The following P4HTM variants were observed in gnomAD, a reference collection of about 807,000 sequenced individuals.
The protein encoded by P4HTM is transmembrane prolyl 4-hydroxylase.
In P4HTM, 33 loss-of-function variants were observed where a neutral mutation model predicts 55.3. That is an observed-to-expected ratio of 0.60 (90% CI 0.45 to 0.80). The LOEUF is 0.80. Among genes scored for constraint, P4HTM ranks in the 30% least tolerant of loss-of-function variants. The pLI is 0.00. For missense variants in P4HTM, 542 were observed against 696.5 expected (o/e 0.78, Z 2.50); for synonymous variants, 272 against 286.4 (o/e 0.95, Z 0.51).
intron 4 of P4HTM, chr3:49,003,094 A>T (rs763076318): frequency 2.2e-4 from 63 of 287,536 alleles, no homozygotes; most frequent in Non-Finnish European, 3.9e-4. Context: ...TAGTGCTGCT[A>T]CCTGTGCTAA....
rs2092955790 is a variant in P4HTM at position 48,999,594 on chromosome 3, C to G, written c.437-1844C>G. On this transcript the variant is annotated intron_variant, in intron 2 of 8. Coordinates refer to ENST00000383729, the MANE Select transcript of P4HTM (RefSeq NM_177939.3). The surrounding 1 kb of genome is among the most constrained non-coding windows in gnomAD (Gnocchi z 4.8). ...GGTTTTATAGGGCTGTTCCTGCACC[C>G]AGGGAGCCAACAGAGGAGATCCTGC... 1 of 167,392 alleles carries G rather than the reference C, an allele frequency of 6.0e-6. No homozygotes were observed. The highest frequency in any genetic ancestry group is 6.5e-5 in the Admixed American group (1 of 15,296). 10.4% of individuals were successfully genotyped at this position (167,392 alleles called of 1,614,324 possible). A position where few individuals can be genotyped will look rare whatever the true frequency, so the allele number is the denominator to read the frequency against.
At position 48,990,493 on chromosome 3, in the gene P4HTM, G is replaced by A; in HGVS notation, c.237G>A (p.Leu79=). 1.2e-6 allele frequency: 2 copies of A among 1,611,306 alleles called. No individual in the cohort carries two copies. The highest frequency in any genetic ancestry group is 1.7e-5 in the Admixed American group (1 of 59,958). Residue 79 remains leucine, a synonymous_variant, in exon 1 of 9, where the codon CTG becomes CTA. Transcript: ENST00000383729. This position sits in a 1 kb window ranked among gnomAD's most constrained non-coding sequence, Gnocchi z 7.2. ...HLYLGNVLAL[L]LFVHYSNGDE... ...ACCTGGGTAACGTGCTGGCGCTGCTGCTCTTCGTGCACTACAGCAACGGCG... is the reference window on the plus strand; with the variant it reads ...ACCTGGGTAACGTGCTGGCGCTGCTACTCTTCGTGCACTACAGCAACGGCG...
At position 49,002,005 on chromosome 3, in the gene P4HTM, C is replaced by T. The variant is rs554505601; in HGVS notation, c.627+377C>T. ...CTCTGCATAACTCTCACACACTCTACAGCCAGGCTGGAGGGCCAAGCTTCT... is the reference window on the plus strand; with the variant it reads ...CTCTGCATAACTCTCACACACTCTATAGCCAGGCTGGAGGGCCAAGCTTCT... On this transcript the variant is annotated intron_variant, in intron 3 of 8. Coordinates refer to ENST00000383729, the MANE Select transcript of P4HTM (RefSeq NM_177939.3). The surrounding 1 kb of genome is among the most constrained non-coding windows in gnomAD (Gnocchi z 4.4). Among the ~76,000 whole-genome samples, 24 of 152,348 alleles carry T rather than the reference C, an allele frequency of 1.6e-4. No individual in the cohort carries two copies. Among genetic ancestry groups the T allele is most frequent in the Non-Finnish European group, 3.2e-4 (22 of 68,028 alleles).
chr3:48,990,682 G>C lies in P4HTM; in HGVS notation c.354+72G>C. ...GCCCGAGAGGACCGGCGCTCAGCCC[G>C]GGTCCCCACGCTGCCCCCGGCGCTG... On this transcript the variant is annotated intron_variant, in intron 1 of 8. Coordinates refer to ENST00000383729, the MANE Select transcript of P4HTM (RefSeq NM_177939.3). This position sits in a 1 kb window ranked among gnomAD's most constrained non-coding sequence, Gnocchi z 7.2. 2 of 1,469,090 alleles carry C rather than the reference G, an allele frequency of 1.4e-6. No homozygotes were observed. The highest frequency in any genetic ancestry group is 1.8e-6 in the Non-Finnish European group (2 of 1,106,074). The allele number at this position is 1,469,090 out of a possible 1,614,324, so 91.0% of individuals were successfully genotyped here. A position where few individuals can be genotyped will look rare whatever the true frequency, so the allele number is the denominator to read the frequency against.
At position 48,990,779 on chromosome 3, in the gene P4HTM, T is replaced by C. The variant is rs2092928979; in HGVS notation, c.355-54T>C. 4 of 1,582,042 alleles carry C rather than the reference T, an allele frequency of 2.5e-6. No individual in the cohort carries two copies. In the South Asian group the frequency reaches 3.3e-5, roughly 13 times the overall value. ...CTCCGGGCCGGGGCGACTTGGCCCT[T>C]CTTGGGCAGCGCGGTCTGGCGCCCC... On this transcript the variant is annotated intron_variant, in intron 1 of 8. Coordinates refer to ENST00000383729, the MANE Select transcript of P4HTM (RefSeq NM_177939.3). This position sits in a 1 kb window ranked among gnomAD's most constrained non-coding sequence, Gnocchi z 7.2.
intron 7 of P4HTM, 28 bp from the exon 8 acceptor site, chr3:49,006,036 G>T: frequency 6.3e-7 from 1 of 1,598,926 alleles, no homozygotes; most frequent in South Asian, 1.1e-5. Context: ...GGGACAGGTT[G>T]AACACCCCAC....
chr3:49,005,827 C>A lies in P4HTM; in HGVS notation c.1124C>A (p.Thr375Asn). ...AACAACGTCACTGGTGGGGGCGAGA[C>A]TGTTTTCCCTGTAGCAGATAACAGA... ...YLNNVTGGGE[T>N]VFPVADNRTY... The change falls in exon 7 of 9, where the codon ACT becomes AAT. Residue 375 changes from threonine (T) to asparagine (N), a missense_variant. By Grantham distance (65) the Thr-to-Asn change is moderately conservative (BLOSUM62 0). Around this residue, in one of 2 missense-constraint regions of P4HTM, gnomAD observed 536 missense variants for 672.1 expected, o/e 0.80. Coordinates refer to ENST00000383729, the MANE Select transcript of P4HTM (RefSeq NM_177939.3). 6.4e-7 allele frequency: 1 copy of A among 1,574,456 alleles called. No individual in the cohort carries two copies. Among genetic ancestry groups the A allele is most frequent in the Admixed American group, 1.9e-5 (1 of 52,646 alleles).
intron 2 of P4HTM, among the ~76,000 whole-genome samples, chr3:48,992,462 C>T (rs2092933456): frequency 2.0e-5 from 3 of 151,534 alleles, no homozygotes; most frequent in Non-Finnish European, 1.5e-5. Flanking sequence ...AAAAATTAGC[C>T]GGGTGTGGTG....
At chr3:49,006,560 C>A in intron 8 of P4HTM, 127 bp from the exon 9 acceptor site, 1 of 747,862 alleles carries the variant, frequency 1.3e-6, no homozygotes, top group Non-Finnish European at 2.3e-6. Flanking sequence ...TCCAAGGAAG[C>A]TTTAGGTCTG....
Position 49,001,552 on chromosome 3 carries a change from G to A in P4HTM, c.551G>A (p.Ser184Asn), listed in dbSNP as rs200947739. 4 of 1,613,898 alleles carry A rather than the reference G, an allele frequency of 2.5e-6. No individual in the cohort carries two copies. Among genetic ancestry groups the A allele is most frequent in the Admixed American group, 3.3e-5 (2 of 60,028 alleles). ...LPTEEYEEAM[S>N]TMQVSQLDLF... ...ACTGAAGAGTATGAAGAGGCAATGAGCACTATGCAGGTCAGCCAGCTGGAC... is the reference window on the plus strand; with the variant it reads ...ACTGAAGAGTATGAAGAGGCAATGAACACTATGCAGGTCAGCCAGCTGGAC... Residue 184 changes from serine to asparagine, a missense_variant, in exon 3 of 9, where the codon AGC becomes AAC. Transcript: ENST00000383729.
Position 48,994,781 on chromosome 3 carries a change from T to TTTTTG in P4HTM, c.436+3892_436+3896dup, listed in dbSNP as rs200509192. On this transcript the variant is annotated intron_variant, in intron 2 of 8. Transcript: ENST00000383729. ...GCAGATCAGATCTCATGGCTCTCTC[T>TTTTTG]TTTTGTTTTGTTTTGTTTTGTTTTG... Among the ~76,000 whole-genome samples, 1,515 of 152,174 alleles carry TTTTTG rather than the reference T, an allele frequency of 1.0e-2. 10 individuals are homozygous for TTTTTG. Among genetic ancestry groups the TTTTTG allele is most frequent in the Middle Eastern group, 0.024 (7 of 294 alleles).
chr3:49,007,016 C>A lies in P4HTM; in HGVS notation c.*109C>A. 1 of 898,896 alleles carries A rather than the reference C, an allele frequency of 1.1e-6. No individual in the cohort carries two copies. Among genetic ancestry groups the A allele is most frequent in the Non-Finnish European group, 1.7e-6 (1 of 589,160 alleles). 55.7% of individuals were successfully genotyped at this position (898,896 alleles called of 1,614,324 possible). A position where few individuals can be genotyped will look rare whatever the true frequency, so the allele number is the denominator to read the frequency against. On this transcript the variant is annotated 3_prime_UTR_variant, in exon 9 of 9. Coordinates refer to ENST00000383729, the MANE Select transcript of P4HTM (RefSeq NM_177939.3). This position sits in a 1 kb window ranked among gnomAD's most constrained non-coding sequence, Gnocchi z 5.1. Reference sequence around the variant, plus strand: ...ACTAAAGGTCTGGCCAATGTCTTGCCCCACCCCGCCAGCCGCGATACGGCG... The same window carrying A: ...ACTAAAGGTCTGGCCAATGTCTTGCACCACCCCGCCAGCCGCGATACGGCG...
intron 2 of P4HTM, chr3:48,996,181 A>G (rs1210301676): frequency 6.6e-6 from 1 of 152,294 alleles, no homozygotes; most frequent in Non-Finnish European, 1.5e-5. Context: ...TTAGGCAGCT[A>G]CATCAGACCA....
rs2092979440 is a variant in P4HTM, at chr3:49,006,106, CA to C, written c.1208del (p.His403ProfsTer33). ...DDVDLRDTRR[H>X]CDKGNLRVKP... Reference sequence around the variant, plus strand: ...CGTGGACCTCCGTGACACACGGAGGCACTGTGACAAGGGAAACCTGCGTGTC... The same window carrying C: ...CGTGGACCTCCGTGACACACGGAGGCCTGTGACAAGGGAAACCTGCGTGTC... On this transcript the variant is annotated frameshift_variant, in exon 8 of 9. Coordinates refer to ENST00000383729, the MANE Select transcript of P4HTM (RefSeq NM_177939.3). LOFTEE classifies it high-confidence loss of function. 6.2e-7 allele frequency: 1 copy of C among 1,612,708 alleles called. No homozygotes were observed.
At chr3:48,993,859 C>CAAAAAA (rs60867672) in intron 2 of P4HTM, among the ~76,000 whole-genome samples, 24 of 43,594 alleles carry the variant, frequency 5.5e-4, no homozygotes, top group Middle Eastern at 0.012. Context: ...GACTCCATCA[C>CAAAAAA]AAAAAAAAAA....
intron 5 of P4HTM, 34 bp from the exon 6 acceptor site, chr3:49,004,826 TG>T: frequency 6.3e-7 from 1 of 1,577,348 alleles, no homozygotes. Flanking sequence ...CCACCTTGCC[TG>T]GGGCTGCCCA....
intron 6 of P4HTM, chr3:49,005,510 C>T (rs1012217761): frequency 7.5e-7 from 1 of 1,341,792 alleles, no homozygotes; most frequent in African/African-American, 1.5e-5. Flanking sequence ...GCCTACCTTT[C>T]CCTGCCAGGC....
upstream of P4HTM, chr3:48,990,097 C>A (rs774621265): frequency 1.7e-5 from 10 of 588,910 alleles, no homozygotes; most frequent in Non-Finnish European, 2.2e-5. This position sits in a 1 kb window ranked among gnomAD's most constrained non-coding sequence, Gnocchi z 7.2. Flanking sequence ...GAAGGCCGAG[C>A]CCGGCGCGGA....
chr3:49,005,808 G>A lies in P4HTM; in HGVS notation c.1105G>A (p.Val369Ile), dbSNP rs758471704. Reference protein sequence around the residue: ...YMTVLFYLNNVTGGGETVFPV... With the variant: ...YMTVLFYLNNITGGGETVFPV... ...GACAGTGCTGTTTTATTTGAACAACGTCACTGGTGGGGGCGAGACTGTTTT... is the reference window on the plus strand; with the variant it reads ...GACAGTGCTGTTTTATTTGAACAACATCACTGGTGGGGGCGAGACTGTTTT... The change falls in exon 7 of 9, where the codon GTC (valine) becomes ATC (isoleucine). Residue 369 changes from valine to isoleucine, a missense_variant. Transcript: ENST00000383729. 15 of 1,594,500 alleles carry A rather than the reference G, an allele frequency of 9.4e-6. No homozygotes were observed. Among genetic ancestry groups the A allele is most frequent in the Middle Eastern group, 1.7e-4 (1 of 5,994 alleles).
Sources: gnomAD v4.1 joint callset for allele counts (sites outside exome capture counted in the v4.1 genomes callset) on GRCh38, gnomAD v4.1.1 for gene constraint, gnomAD v4.1.1 regional missense constraint, Gnocchi (gnomAD v3.1) non-coding constraint, MANE v1.5 for transcripts, NCBI Gene and HGNC (gene_info 2026-07-23, HGNC 2026-07-21) for gene names.